Variants in ERBB4 observed in about 807,000 individuals in gnomAD.
ERBB4 encodes receptor tyrosine-protein kinase erbB-4.
A neutral mutation model predicts 158.0 loss-of-function variants in ERBB4; 42 were observed. The ratio of observed to expected loss-of-function variants is 0.27; its 90% confidence interval spans 0.21 to 0.34. ERBB4 has a LOEUF of 0.34. Ranked by LOEUF, ERBB4 falls within the 10% of genes least tolerant of loss-of-function variation. The pLI is 1.00. For missense variants in ERBB4, 1,333 were observed against 1,624.1 expected (o/e 0.82, Z 3.08); for synonymous variants, 583 against 558.7 (o/e 1.04, Z -0.61).
chr2:211,875,267 C>T lies in ERBB4; in HGVS notation c.421+72163G>A, dbSNP rs375145403. On this transcript the variant is annotated intron_variant, in intron 3 of 27. Transcript: ENST00000342788. ...CAAACTACAGAGGCCATTTAATTAC[C>T]TAGAAAATTTAAGAGTGCTGAGCAC... Among the ~76,000 whole-genome samples the T allele has an allele frequency of 3.9e-5, 6 of 152,044 alleles. No individual in the cohort carries two copies. In the East Asian group the frequency reaches 9.6e-4, roughly 24 times the overall value.
chr2:212,497,488 G>A (rs530017041), intron 1 of ERBB4, among the ~76,000 whole-genome samples: 40 of 152,242 alleles, frequency 2.6e-4, no homozygotes, highest in African/African-American at 9.4e-4. Context: ...CAGTGATATA[G>A]GCAATGTGAA....
intron 1 of ERBB4, among the ~76,000 whole-genome samples, chr2:212,195,079 A>C (rs1338079076): frequency 1.3e-5 from 2 of 152,066 alleles, no homozygotes; most frequent in Admixed American, 6.6e-5. Context: ...AAATTCAAAT[A>C]AAGTTTTATA....
intron 2 of ERBB4, among the ~76,000 whole-genome samples, chr2:211,974,653 G>A (rs1229499857): frequency 6.6e-6 from 1 of 152,094 alleles, no homozygotes; most frequent in African/African-American, 2.4e-5. Context: ...ACTTTGGGAG[G>A]CTGAGGTGGG....
intron 1 of ERBB4, among the ~76,000 whole-genome samples, chr2:212,319,219 G>A (rs969738960): frequency 6.6e-6 from 1 of 151,594 alleles, no homozygotes; most frequent in East Asian, 2.0e-4. Flanking sequence ...AACAAAATAT[G>A]TCTAACAGTT....
chr2:211,720,255 A>G (rs2074051202), intron 7 of ERBB4, among the ~76,000 whole-genome samples: 1 of 152,360 alleles, frequency 6.6e-6, no homozygotes, highest in East Asian at 1.9e-4. Context: ...TGCCTGCTGT[A>G]TTAGCACATT....
At chr2:212,107,301 G>T (rs916648327) in intron 2 of ERBB4, among the ~76,000 whole-genome samples, 5 of 152,194 alleles carry the variant, frequency 3.3e-5, no homozygotes, top group African/African-American at 1.2e-4. Flanking sequence ...GAGACATGGA[G>T]TCAAAGGAGA....
intron 2 of ERBB4, among the ~76,000 whole-genome samples, chr2:212,029,464 C>T (rs911596306): frequency 5.3e-5 from 8 of 152,142 alleles, no homozygotes; most frequent in African/African-American, 1.9e-4. Context: ...ATAACTAACT[C>T]CTATTGTCTA....
chr2:211,773,458 G>A (rs2075766901), intron 4 of ERBB4, among the ~76,000 whole-genome samples: 1 of 149,556 alleles, frequency 6.7e-6, no homozygotes, highest in Admixed American at 6.7e-5. Flanking sequence ...AATGCATGAT[G>A]AATACGAGGA....
rs185028673 is a variant in ERBB4 at position 212,127,464 on chromosome 2, T to C, written c.83-2561A>G. On this transcript the variant is annotated intron_variant, in intron 1 of 27. Transcript: ENST00000342788. ...ACAATTAGCCGGGCCTGGTGGCGGG[T>C]GCCTGTAGTCCCAGCTACTCGGGAG... 3.5e-3 allele frequency among the ~76,000 whole-genome samples: 537 copies of C among 152,004 alleles called. 6 individuals are homozygous for C. The highest frequency in any genetic ancestry group is 0.026 in the Admixed American group (399 of 15,270).
Position 212,341,373 on chromosome 2 carries a change from G to T in ERBB4, c.82+197076C>A, listed in dbSNP as rs1031687374. On this transcript the variant is annotated intron_variant, in intron 1 of 27. Coordinates refer to ENST00000342788, the MANE Select transcript of ERBB4 (RefSeq NM_005235.3). The stretch of plus-strand genomic sequence containing the variant: ...CCAGAAATGTCTTAAATTTTTTTTT[G>T]TAAGTTATATTATTTGCATAGGTAT... Among the ~76,000 whole-genome samples, 64 of 151,222 alleles carry T rather than the reference G, an allele frequency of 4.2e-4. 1 individual carries two copies. Among genetic ancestry groups the T allele is most frequent in the Admixed American group, 9.2e-4 (14 of 15,222 alleles).
chr2:211,422,469 C>T (rs2063533550), intron 23 of ERBB4, among the ~76,000 whole-genome samples: 2 of 136,734 alleles, frequency 1.5e-5, no homozygotes, highest in Admixed American at 7.8e-5. Flanking sequence ...CTTTCTTGTG[C>T]TACATTTGTC....
At chr2:211,936,173 C>G (rs1440129668) in intron 3 of ERBB4, among the ~76,000 whole-genome samples, 1 of 151,728 alleles carries the variant, frequency 6.6e-6, no homozygotes, top group Non-Finnish European at 1.5e-5. Context: ...CCATCAAAAT[C>G]AAAATGACAT....
chr2:211,799,725 T>C (rs1575163954), intron 3 of ERBB4, among the ~76,000 whole-genome samples: 1 of 152,192 alleles, frequency 6.6e-6, no homozygotes, highest in South Asian at 2.1e-4. Context: ...AGTTATCATA[T>C]GTATATGTTG....
intron 3 of ERBB4, among the ~76,000 whole-genome samples, chr2:211,835,547 A>T (rs1185038932): frequency 6.6e-6 from 1 of 152,088 alleles, no homozygotes; most frequent in Non-Finnish European, 1.5e-5. Context: ...TCATCTTATG[A>T]TGTATAATCA....
chr2:212,066,541 A>T (rs186717032), intron 2 of ERBB4, among the ~76,000 whole-genome samples: 1 of 152,054 alleles, frequency 6.6e-6, no homozygotes, highest in Admixed American at 6.6e-5. Context: ...TGAATATGTT[A>T]TTAATATGTG....
chr2:211,797,959 T>A (rs1385016651), intron 3 of ERBB4, among the ~76,000 whole-genome samples: 1 of 152,072 alleles, frequency 6.6e-6, no homozygotes, highest in Non-Finnish European at 1.5e-5. Context: ...AAGAAATGGC[T>A]TTTTAGATTG....
At chr2:212,010,673 G>C (rs538921359) in intron 2 of ERBB4, among the ~76,000 whole-genome samples, 4 of 152,040 alleles carry the variant, frequency 2.6e-5, no homozygotes, top group Non-Finnish European at 5.9e-5. Flanking sequence ...CAGAAAACAG[G>C]GTTCGAGAGC....
At chr2:211,567,253 A>G (rs918652810) in intron 19 of ERBB4, among the ~76,000 whole-genome samples, 8 of 152,284 alleles carry the variant, frequency 5.3e-5, no homozygotes, top group African/African-American at 2.4e-5. Flanking sequence ...TAGAAATATC[A>G]TATTTTTTAC....
At position 212,497,983 on chromosome 2, in the gene ERBB4, C is replaced by G. The variant is rs143722501; in HGVS notation, c.82+40466G>C. The stretch of plus-strand genomic sequence containing the variant: ...AATTGGCACTGTTTAGAGTCCTTCC[C>G]TTTAGATAGGACCAGCACTCAGTTC... On this transcript the variant is annotated intron_variant, in intron 1 of 27. Coordinates refer to ENST00000342788, the MANE Select transcript of ERBB4 (RefSeq NM_005235.3). Among the ~76,000 whole-genome samples, 4 of 152,220 alleles carry G rather than the reference C, an allele frequency of 2.6e-5. No homozygotes were observed. In the East Asian group the frequency reaches 7.7e-4, roughly 29 times the overall value.
Sources: gnomAD v4.1 joint callset for allele counts (sites outside exome capture counted in the v4.1 genomes callset) on GRCh38, gnomAD v4.1.1 for gene constraint, MANE v1.5 for transcripts, NCBI Gene and HGNC (gene_info 2026-07-23, HGNC 2026-07-21) for gene names.